SPATA13: variants seen among roughly 807,000 people sequenced by gnomAD.
SPATA13 encodes the protein spermatogenesis associated 13.
Under a neutral mutation model 104.0 loss-of-function variants are expected in SPATA13, and 50 were observed. That is an observed-to-expected ratio of 0.48 (90% confidence interval 0.38 to 0.61). The LOEUF (loss-of-function observed/expected upper bound fraction) is 0.61, where lower values mean the gene tolerates loss of function less well. Ranked by LOEUF, SPATA13 falls within the 20% of genes least tolerant of loss-of-function variation. The pLI, the probability that SPATA13 is intolerant of heterozygous loss-of-function variation, is 0.00. For missense variants in SPATA13, 1,524 were observed against 1,690.6 expected, an observed-to-expected ratio of 0.90 and a Z score of 1.73; for synonymous variants, 606 against 667.5, an observed-to-expected ratio of 0.91 and a Z score of 1.42.
intron 2 of SPATA13, chr13:23,983,972 T>A (rs1017207446): frequency 5.9e-5 from 58 of 984,558 alleles, no homozygotes; most frequent in Non-Finnish European, 7.0e-5. Flanking sequence ...GCATTATCCA[T>A]GCTTATTTCT....
At chr13:24,122,670 G>T in intron 3 of SPATA13, 1 of 1,067,022 alleles carries the variant, frequency 9.4e-7, no homozygotes, top group Non-Finnish European at 1.5e-6. Flanking sequence ...CTTGGTGACA[G>T]ACAGAAGTGT....
chr13:24,144,443 A>G (rs1881865807), intron 3 of SPATA13, among the ~76,000 whole-genome samples: 1 of 152,196 alleles, frequency 6.6e-6, no homozygotes, highest in Non-Finnish European at 1.5e-5. Flanking sequence ...TCCAGGAACT[A>G]GGCCAGGTGC....
At chr13:24,197,551 T>C (rs986569235) in intron 1 of SPATA13, among the ~76,000 whole-genome samples, 1 of 152,202 alleles carries the variant, frequency 6.6e-6, no homozygotes, top group Non-Finnish European at 1.5e-5. Context: ...GTAACCTTTA[T>C]AGTTACCTTT....
intron 4 of SPATA13, among the ~76,000 whole-genome samples, chr13:24,263,856 A>T (rs995364646): frequency 6.6e-5 from 10 of 152,210 alleles, no homozygotes; most frequent in African/African-American, 2.4e-4. Flanking sequence ...GACTGCTAAG[A>T]CTGCCTATGG....
At chr13:23,996,898 G>A (rs1875722518) in intron 2 of SPATA13, among the ~76,000 whole-genome samples, 1 of 152,118 alleles carries the variant, frequency 6.6e-6, no homozygotes, top group Non-Finnish European at 1.5e-5. Flanking sequence ...TCCCTTATAA[G>A]GATCCTTGTG....
intron 3 of SPATA13, among the ~76,000 whole-genome samples, chr13:24,020,093 C>A (rs990976580): frequency 6.6e-6 from 1 of 152,222 alleles, no homozygotes; most frequent in East Asian, 1.9e-4. Context: ...GCCTCACCGA[C>A]AGCCAGACTT....
In SPATA13 at chr13:24,304,646, C is replaced by T. The variant is rs1024415304; in HGVS notation, c.*1873C>T. The T allele has an allele frequency of 6.6e-6, 1 of 152,256 alleles. No individual in the cohort carries two copies. The highest frequency in any genetic ancestry group is 1.5e-5 in the Non-Finnish European group (1 of 68,080). 9.4% of individuals were successfully genotyped at this position (152,256 alleles called of 1,614,324 possible). A position where few individuals can be genotyped will look rare whatever the true frequency, so the allele number is the denominator to read the frequency against. On this transcript the variant is annotated 3_prime_UTR_variant, in exon 13 of 13. Coordinates refer to ENST00000382108, the MANE Select transcript of SPATA13 (RefSeq NM_001166271.3). Reference sequence around the variant, plus strand: ...CATAACCTTGGTCCTCAGGTGAACCCTTGGAACATTCTGTGACCGCCTGAT... The same window carrying T: ...CATAACCTTGGTCCTCAGGTGAACCTTTGGAACATTCTGTGACCGCCTGAT...
At chr13:24,030,011 G>T (rs1438595556) in intron 3 of SPATA13, among the ~76,000 whole-genome samples, 1 of 151,556 alleles carries the variant, frequency 6.6e-6, no homozygotes, top group African/African-American at 2.4e-5. Context: ...AAATTGAGTG[G>T]AAAGTAGAGT....
intron 3 of SPATA13, among the ~76,000 whole-genome samples, chr13:24,144,050 C>A (rs1881851342): frequency 6.6e-6 from 1 of 152,154 alleles, no homozygotes; most frequent in Admixed American, 6.5e-5. Context: ...GAGCCTCCCA[C>A]CACACCCCCG....
chr13:24,293,259 C>A, intron 9 of SPATA13, among the ~76,000 whole-genome samples: 1 of 149,272 alleles, frequency 6.7e-6, no homozygotes, highest in Admixed American at 6.7e-5. Context: ...GTCAAGAGAG[C>A]CACAAAATTG....
At chr13:24,199,760 G>A (rs1403387267) in intron 1 of SPATA13, among the ~76,000 whole-genome samples, 1 of 152,164 alleles carries the variant, frequency 6.6e-6, no homozygotes, top group East Asian at 1.9e-4. Flanking sequence ...AGATCACATT[G>A]GCCATCCAGG....
intron 2 of SPATA13, among the ~76,000 whole-genome samples, chr13:24,008,130 A>C (rs776790821): frequency 6.6e-6 from 1 of 152,234 alleles, no homozygotes; most frequent in Non-Finnish European, 1.5e-5. Context: ...TGGTGTGCTG[A>C]GGGAGAGCTT....
At chr13:24,226,180 C>T (rs765107572) in intron 2 of SPATA13, among the ~76,000 whole-genome samples, 6 of 152,200 alleles carry the variant, frequency 3.9e-5, no homozygotes, top group African/African-American at 1.4e-4. Context: ...CACTCCAGGT[C>T]GCTGACTTCA....
chr13:24,079,112 G>C (rs942166350), intron 3 of SPATA13, among the ~76,000 whole-genome samples: 2 of 152,208 alleles, frequency 1.3e-5, no homozygotes, highest in Non-Finnish European at 2.9e-5. Flanking sequence ...GTAGGAGGCA[G>C]TGGCAGAAGG....
At position 24,223,300 on chromosome 13, in the gene SPATA13, G is replaced by A. The variant is rs747884757; in HGVS notation, c.371G>A (p.Gly124Glu). 18 of 1,551,594 alleles carry A rather than the reference G, an allele frequency of 1.2e-5. No homozygotes were observed. The highest frequency in any genetic ancestry group is 1.6e-5 in the Non-Finnish European group (18 of 1,147,000). ...FKKLKSSVLK[G>E]IQSREGSNAC... ...AAACTGAAGTCCTCAGTCCTGAAAG[G>A]AATTCAGAGCCGAGAGGGGTCAAAT... Residue 124 changes from glycine to glutamate, a missense_variant, in exon 2 of 13, where the codon GGA becomes GAA. Physicochemically the swap from Gly to Glu is moderately conservative, Grantham distance 98. Around this residue, in one of 2 missense-constraint regions of SPATA13, gnomAD observed 1,089 missense variants for 1,135.9 expected, o/e 0.96. Coordinates refer to ENST00000382108, the MANE Select transcript of SPATA13 (RefSeq NM_001166271.3).
chr13:24,160,776 C>T lies in SPATA13; in HGVS notation c.-268C>T. 1 of 985,460 alleles carries T rather than the reference C, an allele frequency of 1.0e-6. No individual in the cohort carries two copies. 61.0% of individuals were successfully genotyped at this position (985,460 alleles called of 1,614,324 possible). ...TGCGTTGCGCTTTCTCCCGCGATCG[C>T]CCTGCCGGTCGCTAGCTCCGAGGGC... On this transcript the variant is annotated 5_prime_UTR_variant, in exon 1 of 13. Coordinates refer to ENST00000382108, the MANE Select transcript of SPATA13 (RefSeq NM_001166271.3).
chr13:24,293,230 G>GAA lies in SPATA13; in HGVS notation c.3081-1499_3081-1498dup, dbSNP rs528492219. Among the ~76,000 whole-genome samples the GAA allele has an allele frequency of 2.8e-3, 367 of 130,668 alleles. 2 individuals are homozygous for GAA. The highest frequency in any genetic ancestry group is 8.4e-3 in the African/African-American group (299 of 35,536). 85.7% of individuals were successfully genotyped at this position (130,668 alleles called of 152,430 possible). A position where few individuals can be genotyped will look rare whatever the true frequency, so the allele number is the denominator to read the frequency against. On this transcript the variant is annotated intron_variant, in intron 9 of 12. Transcript: ENST00000382108. ...ATGGAGAAATCAGAAAAGTTCAGTG[G>GAA]AAAAAAAAAAACAGGGAAGTCAAGA...
chr13:24,091,077 A>G (rs900861964), intron 3 of SPATA13, among the ~76,000 whole-genome samples: 15 of 152,196 alleles, frequency 9.9e-5, no homozygotes, highest in Non-Finnish European at 1.9e-4. Flanking sequence ...CATGCATTGA[A>G]CTGGTCAGTT....
intron 2 of SPATA13, among the ~76,000 whole-genome samples, chr13:23,996,135 A>G (rs74628437): frequency 0.013 from 2,009 of 152,220 alleles, 46 homozygotes; most frequent in African/African-American, 0.045. Flanking sequence ...AGTTCCCAGG[A>G]ACCTAATGGG....
Sources: gnomAD v4.1 joint callset for allele counts (sites outside exome capture counted in the v4.1 genomes callset) on GRCh38, gnomAD v4.1.1 for gene constraint, gnomAD v4.1.1 regional missense constraint, MANE v1.5 for transcripts, NCBI Gene and HGNC (gene_info 2026-07-23, HGNC 2026-07-21) for gene names.